The following ZNF609 variants were observed in gnomAD, a reference collection of about 807,000 sequenced individuals.
ZNF609 encodes the protein zinc finger protein 609.
Under a neutral mutation model 109.5 loss-of-function variants are expected in ZNF609, and 11 were observed. The observed-to-expected ratio is 0.10, with a 90% CI of 0.06 to 0.17. The LOEUF (loss-of-function observed/expected upper bound fraction) is 0.17. Ranked by LOEUF, ZNF609 falls within the 10% of genes least tolerant of loss-of-function variation. The probability of loss-of-function intolerance (pLI) is 1.00; values close to 1 mark genes in which losing one functional copy is unlikely to be tolerated. For missense variants in ZNF609, 1,559 were observed against 1,772.4 expected (o/e 0.88, Z 2.16); for synonymous variants, 646 against 662.0 (o/e 0.98, Z 0.37).
intron 3 of ZNF609, among the ~76,000 whole-genome samples, chr15:64,669,045 C>G (rs911943952): frequency 8.1e-6 from 1 of 123,898 alleles, no homozygotes; most frequent in Non-Finnish European, 1.7e-5. Context: ...TGGCAAAGAA[C>G]AAAATGAGAA....
At chr15:64,609,064 TTTTC>T (rs3057833) in intron 2 of ZNF609, among the ~76,000 whole-genome samples, 2,058 of 119,084 alleles carry the variant, frequency 0.017, 42 homozygotes, top group African/African-American at 0.037. Flanking sequence ...TAGTTTTAAT[TTTTC>T]TTTCTTTCTT....
rs72529799 is a variant in ZNF609, at chr15:64,579,711, A to AC, written c.748-43116_748-43115insC. 2.5e-3 allele frequency among the ~76,000 whole-genome samples: 371 copies of AC among 149,910 alleles called. 2 individuals are homozygous for AC. Among genetic ancestry groups the AC allele is most frequent in the Non-Finnish European group, 4.3e-3 (292 of 67,288 alleles). The stretch of plus-strand genomic sequence containing the variant: ...GGCGACACAGGAAAACAAACAAACA[A>AC]AAAAAAAAAACTTGTGTTTTTGTAT... On this transcript the variant is annotated intron_variant, in intron 2 of 9. Transcript: ENST00000326648.
intron 2 of ZNF609, among the ~76,000 whole-genome samples, chr15:64,604,099 A>G (rs16948101): frequency 0.1 from 15,390 of 151,608 alleles, 2,125 homozygotes; most frequent in East Asian, 0.79. Context: ...CCTCTTTTGC[A>G]TTCTTTATGA....
intron 3 of ZNF609, among the ~76,000 whole-genome samples, chr15:64,644,983 TTC>T (rs1271028902): frequency 6.6e-5 from 9 of 136,778 alleles, no homozygotes; most frequent in South Asian, 4.5e-4. Context: ...TTCTTTCTTT[TTC>T]TTTCTTTCTT....
chr15:64,617,448 C>A (rs191474143), intron 2 of ZNF609, among the ~76,000 whole-genome samples: 4 of 151,872 alleles, frequency 2.6e-5, no homozygotes, highest in Admixed American at 1.3e-4. Flanking sequence ...ACCATGATCA[C>A]CCCCTGCACT....
intron 2 of ZNF609, among the ~76,000 whole-genome samples, chr15:64,551,668 AGAG>A (rs1241491197): frequency 6.9e-6 from 1 of 145,850 alleles, no homozygotes; most frequent in African/African-American, 2.6e-5. Flanking sequence ...AAAAAAAAAA[AGAG>A]AGAAAAGTAG....
intron 1 of ZNF609, among the ~76,000 whole-genome samples, chr15:64,496,702 C>T (rs1244106332): frequency 6.6e-6 from 1 of 152,200 alleles, no homozygotes; most frequent in Admixed American, 6.5e-5. Flanking sequence ...GAATAGGTAT[C>T]TACTATGCTA....
intron 2 of ZNF609, among the ~76,000 whole-genome samples, chr15:64,583,395 A>C (rs907956127): frequency 3.3e-5 from 5 of 151,942 alleles, no homozygotes; most frequent in Admixed American, 2.6e-4. Flanking sequence ...AATAAAAGTG[A>C]GATACGATAG....
chr15:64,674,575 C>T lies in ZNF609; in HGVS notation c.1721C>T (p.Pro574Leu), dbSNP rs1362250609. Reference sequence around the variant, plus strand: ...ACCCCCAAAGTTCGACTTGTAGAGCCCCATAGCCCTTCTCCTTCAAGCAAA... The same window carrying T: ...ACCCCCAAAGTTCGACTTGTAGAGCTCCATAGCCCTTCTCCTTCAAGCAAA... The part of the protein sequence containing the change: ...SATPKVRLVE[P>L]HSPSPSSKFS... The change falls in exon 5 of 10, where the codon CCC (proline) becomes CTC (leucine). Residue 574 changes from proline to leucine, a missense_variant. Physicochemically the swap from Pro to Leu is moderately conservative, Grantham distance 98. Around this residue, in one of 4 missense-constraint regions of ZNF609, gnomAD observed 1,204 missense variants for 1,314.1 expected, o/e 0.92. Coordinates refer to ENST00000326648, the MANE Select transcript of ZNF609 (RefSeq NM_015042.2). 3.1e-6 allele frequency: 5 copies of T among 1,614,052 alleles called. No homozygotes were observed. The highest frequency in any genetic ancestry group is 4.2e-6 in the Non-Finnish European group (5 of 1,180,004).
chr15:64,524,582 G>A (rs1310052692), intron 2 of ZNF609, among the ~76,000 whole-genome samples: 3 of 151,742 alleles, frequency 2.0e-5, no homozygotes, highest in Non-Finnish European at 4.4e-5. Context: ...AAAAAAAGGG[G>A]GGGGCCTTTT....
intron 2 of ZNF609, among the ~76,000 whole-genome samples, chr15:64,564,722 G>A (rs1179340205): frequency 6.6e-6 from 1 of 151,716 alleles, no homozygotes; most frequent in African/African-American, 2.4e-5. Context: ...TATGGTCTGG[G>A]TTTTATTAAA....
At chr15:64,670,551 T>C (rs1289175612) in intron 4 of ZNF609, 118 bp downstream of exon 4, 2 of 859,450 alleles carry the variant, frequency 2.3e-6, no homozygotes, top group Non-Finnish European at 3.9e-6. Flanking sequence ...ATGGTATAGA[T>C]ACCAGGGAAA....
intron 1 of ZNF609, among the ~76,000 whole-genome samples, chr15:64,490,627 T>C (rs1893400759): frequency 6.6e-6 from 1 of 152,162 alleles, no homozygotes; most frequent in Admixed American, 6.5e-5. Flanking sequence ...GCCTCTGCTT[T>C]TTGGCCTAGC....
chr15:64,649,098 C>G (rs1411914699), intron 3 of ZNF609, among the ~76,000 whole-genome samples: 3 of 151,328 alleles, frequency 2.0e-5, no homozygotes, highest in African/African-American at 7.3e-5. Flanking sequence ...AATGTAAGCC[C>G]AATGAAGTCA....
At chr15:64,618,313 CTCAGACCTGTAGG>C (rs1204255711) in intron 2 of ZNF609, among the ~76,000 whole-genome samples, 1 of 152,152 alleles carries the variant, frequency 6.6e-6, no homozygotes, top group African/African-American at 2.4e-5. Flanking sequence ...TGCCCTGCTG[CTCAGACCTGTAGG>C]GTAACATACA....
intron 2 of ZNF609, among the ~76,000 whole-genome samples, chr15:64,579,721 A>C (rs1168051482): frequency 6.6e-6 from 1 of 150,608 alleles, no homozygotes; most frequent in African/African-American, 2.4e-5. Context: ...AAAAAAAAAA[A>C]CTTGTGTTTT....
intron 2 of ZNF609, among the ~76,000 whole-genome samples, chr15:64,594,280 G>T (rs1215350651): frequency 6.6e-6 from 1 of 151,618 alleles, no homozygotes; most frequent in East Asian, 1.9e-4. Flanking sequence ...TGTTTTTTTT[G>T]TTTGTTTGTT....
chr15:64,465,258 T>C (rs1892998497), intron 1 of ZNF609, among the ~76,000 whole-genome samples: 1 of 152,252 alleles, frequency 6.6e-6, no homozygotes, highest in African/African-American at 2.4e-5. Context: ...TGACTTTTTG[T>C]GGAAGTCTAC....
chr15:64,586,088 G>A (rs768158384), intron 2 of ZNF609, among the ~76,000 whole-genome samples: 31 of 152,124 alleles, frequency 2.0e-4, no homozygotes, highest in Admixed American at 1.2e-3. Flanking sequence ...ACTTTGGGAG[G>A]CTGAGGAGGG....
Sources: gnomAD v4.1 joint callset for allele counts (sites outside exome capture counted in the v4.1 genomes callset) on GRCh38, gnomAD v4.1.1 for gene constraint, gnomAD v4.1.1 regional missense constraint, MANE v1.5 for transcripts, NCBI Gene and HGNC (gene_info 2026-07-23, HGNC 2026-07-21) for gene names.